RFX8: variants seen among roughly 807,000 people sequenced by gnomAD.
RFX8 encodes the protein DNA-binding protein RFX8.
RFX8 carries 46 observed loss-of-function variants against 54.6 expected under a neutral mutation model. The observed-to-expected ratio is 0.84, with a 90% CI of 0.67 to 1.08. RFX8 has a LOEUF of 1.08. Among genes scored for constraint, RFX8 ranks in the 50% least tolerant of loss-of-function variants. RFX8 has a pLI of 0.00. For synonymous variants in RFX8, 192 were observed against 209.5 expected (o/e 0.92, Z 0.72); for missense variants, 536 against 562.3 (o/e 0.95, Z 0.47).
chr2:101,424,484 A>G, intron 2 of RFX8, among the ~76,000 whole-genome samples: 1 of 152,226 alleles, frequency 6.6e-6, no homozygotes, highest in East Asian at 1.9e-4. Flanking sequence ...CTAGAACTAG[A>G]AATACCATTT....
In RFX8 at chr2:101,417,490, G is replaced by A. The variant is rs1237307256; in HGVS notation, c.502+44C>T. The A allele has an allele frequency of 4.0e-6, 6 of 1,517,810 alleles. No individual in the cohort carries two copies. In the Admixed American group the frequency reaches 1.3e-4, roughly 32 times the overall value. The allele number at this position is 1,517,810 out of a possible 1,614,324, so 94.0% of individuals were successfully genotyped here. A position where few individuals can be genotyped will look rare whatever the true frequency, so the allele number is the denominator to read the frequency against. Reference sequence around the variant, plus strand: ...CAAAGTGCTGGGATTACAGGCATGAGCCACTGTGCCAGCCCAGAATTTATT... The same window carrying A: ...CAAAGTGCTGGGATTACAGGCATGAACCACTGTGCCAGCCCAGAATTTATT... On this transcript the variant is annotated intron_variant, in intron 6 of 11. Coordinates refer to ENST00000428343, the MANE Select transcript of RFX8 (RefSeq NM_001145664.2).
intron 9 of RFX8, among the ~76,000 whole-genome samples, chr2:101,410,385 C>CCACA (rs1457992778): frequency 1.4e-5 from 1 of 73,358 alleles, no homozygotes; most frequent in Non-Finnish European, 2.7e-5. Context: ...AAACATATGC[C>CCACA]CACACTCACA....
chr2:101,410,572 T>G (rs1187915999), intron 9 of RFX8, 47 bp downstream of exon 9: 9 of 1,015,488 alleles, frequency 8.9e-6, no homozygotes, highest in Non-Finnish European at 1.3e-5. Flanking sequence ...CTCATTTATC[T>G]AGAATGGTCA....
chr2:101,434,341 C>T (rs7598455), intron 2 of RFX8, among the ~76,000 whole-genome samples: 111,758 of 152,110 alleles, frequency 0.73, 42,510 homozygotes, highest in Middle Eastern at 0.88. Flanking sequence ...TGTGGTTTAG[C>T]TGTTTTCTGC....
At position 101,472,406 on chromosome 2, in the gene RFX8, C is replaced by T. The variant is rs144870334; in HGVS notation, c.-53+2230G>A. 8.2e-4 allele frequency among the ~76,000 whole-genome samples: 125 copies of T among 152,178 alleles called. 2 individuals are homozygous for T. Among genetic ancestry groups the T allele is most frequent in the Admixed American group, 9.8e-4 (15 of 15,286 alleles). Reference sequence around the variant, plus strand: ...CCTGAGCCACCGCACCCGGCCTCAACGATCTGTTAAACATACCACCTCATC... The same window carrying T: ...CCTGAGCCACCGCACCCGGCCTCAATGATCTGTTAAACATACCACCTCATC... On this transcript the variant is annotated intron_variant, in intron 1 of 11. Coordinates refer to ENST00000428343, the MANE Select transcript of RFX8 (RefSeq NM_001145664.2).
intron 2 of RFX8, chr2:101,435,049 G>C (rs1047737613): frequency 1.3e-5 from 2 of 152,330 alleles, no homozygotes; most frequent in Non-Finnish European, 2.9e-5. Flanking sequence ...CCGGCTCCCT[G>C]TGAACCCGCT....
chr2:101,409,523 G>C (rs577375079), intron 9 of RFX8, among the ~76,000 whole-genome samples: 12 of 150,186 alleles, frequency 8.0e-5, no homozygotes, highest in African/African-American at 2.7e-4. Context: ...ACCATGCCCG[G>C]CCAGACGGAG....
At chr2:101,461,303 A>G (rs1006925427) in intron 2 of RFX8, among the ~76,000 whole-genome samples, 1 of 151,810 alleles carries the variant, frequency 6.6e-6, no homozygotes, top group Non-Finnish European at 1.5e-5. Context: ...GAAAAAGAAA[A>G]GAAAAATGAC....
At chr2:101,435,574 A>G (rs1437904951) in intron 2 of RFX8, among the ~76,000 whole-genome samples, 1 of 152,154 alleles carries the variant, frequency 6.6e-6, no homozygotes. Context: ...ACACATACAC[A>G]CACACATTCT....
chr2:101,408,901 C>T (rs906688564), intron 9 of RFX8, among the ~76,000 whole-genome samples: 1 of 152,196 alleles, frequency 6.6e-6, no homozygotes, highest in Non-Finnish European at 1.5e-5. Context: ...CAAGGCCAGG[C>T]AGGTGGCACA....
At chr2:101,403,820 T>A (rs1685582024) in intron 10 of RFX8, among the ~76,000 whole-genome samples, 2 of 152,148 alleles carry the variant, frequency 1.3e-5, no homozygotes, top group African/African-American at 4.8e-5. Context: ...ATATCAAAGG[T>A]TTTATTTAAC....
Position 101,418,960 on chromosome 2 carries a change from TCCA to T in RFX8, c.239_241del (p.Val80del), listed in dbSNP as rs1414864713. The T allele has an allele frequency of 1.2e-5, 19 of 1,536,322 alleles. No homozygotes were observed. Among genetic ancestry groups the T allele is most frequent in the Non-Finnish European group, 1.5e-5 (17 of 1,133,662 alleles). On this transcript the variant is annotated inframe_deletion and splice_region_variant, in exon 5 of 12. Coordinates refer to ENST00000428343, the MANE Select transcript of RFX8 (RefSeq NM_001145664.2). ...CTTCCAGAAGGAAGTAAGCAAGTCCTCCACCTGGGGTAAGTAACAGAGCATATC... is the reference window on the plus strand; with the variant it reads ...CTTCCAGAAGGAAGTAAGCAAGTCCTCCTGGGGTAAGTAACAGAGCATATC...
chr2:101,443,305 T>C (rs1434731910), intron 2 of RFX8, among the ~76,000 whole-genome samples: 1 of 152,132 alleles, frequency 6.6e-6, no homozygotes, highest in South Asian at 2.1e-4. Context: ...GTGCTTAGTG[T>C]GGAGGGGCAT....
intron 4 of RFX8, 34 bp downstream of exon 4, chr2:101,421,690 A>AC (rs1283529390): frequency 6.5e-7 from 1 of 1,541,504 alleles, no homozygotes. Flanking sequence ...TTTTATAGAT[A>AC]AAACCCTACC....
intron 5 of RFX8, 102 bp from the exon 6 acceptor site, chr2:101,417,786 AG>A: frequency 1.1e-6 from 1 of 929,952 alleles, no homozygotes; most frequent in Non-Finnish European, 1.6e-6. Context: ...GAAGTCTGAG[AG>A]CGGGTCCCCA....
intron 2 of RFX8, among the ~76,000 whole-genome samples, chr2:101,425,119 C>T (rs1182047420): frequency 6.6e-6 from 1 of 152,052 alleles, no homozygotes; most frequent in African/African-American, 2.4e-5. Flanking sequence ...TGGAGCTATT[C>T]CATGAAGCTC....
At chr2:101,446,322 C>T (rs763661471) in intron 2 of RFX8, among the ~76,000 whole-genome samples, 3 of 152,084 alleles carry the variant, frequency 2.0e-5, no homozygotes, top group Middle Eastern at 3.2e-3. Flanking sequence ...ACTACAGGCA[C>T]GTGCCACCAC....
At chr2:101,473,333 G>A (rs1360866342) in intron 1 of RFX8, among the ~76,000 whole-genome samples, 1 of 152,156 alleles carries the variant, frequency 6.6e-6, no homozygotes, top group Non-Finnish European at 1.5e-5. Flanking sequence ...GGCCTGGGTC[G>A]GTGAGTGTAG....
chr2:101,459,018 T>C (rs1035222664), intron 2 of RFX8, among the ~76,000 whole-genome samples: 2 of 152,228 alleles, frequency 1.3e-5, no homozygotes, highest in African/African-American at 4.8e-5. Context: ...TTGAAGCTTG[T>C]GTATGCATCA....
Sources: allele counts gnomAD v4.1 joint callset (sites outside exome capture counted in the v4.1 genomes callset), GRCh38; gene constraint gnomAD v4.1.1; transcripts MANE v1.5; gene names NCBI Gene and HGNC (gene_info 2026-07-23, HGNC 2026-07-21).